PARVG: variants seen among roughly 807,000 people sequenced by gnomAD.
PARVG encodes the protein gamma-parvin.
In PARVG, 36 loss-of-function variants were observed where a neutral mutation model predicts 44.4. The observed-to-expected ratio is 0.81, with a 90% CI of 0.62 to 1.07. The LOEUF is 1.07. PARVG is among the 50% of genes least tolerant of loss of function. PARVG has a pLI of 0.00. For synonymous variants in PARVG, 170 were observed against 174.1 expected (o/e 0.98, Z 0.19); for missense variants, 407 against 407.4 (o/e 1.00, Z 0.01).
Position 44,200,287 on chromosome 22 carries a change from G to A in PARVG, c.813+1565G>A, listed in dbSNP as rs148621111. The stretch of plus-strand genomic sequence containing the variant: ...TCCACGGGCAGCCAAGGCTTACCCC[G>A]GGTCACTGCCAGGCAAGAGGCCTGA... On this transcript the variant is annotated intron_variant, in intron 12 of 13. Transcript: ENST00000444313. Among the ~76,000 whole-genome samples the A allele has an allele frequency of 4.6e-5, 7 of 152,200 alleles. No homozygotes were observed. In the East Asian group the frequency reaches 9.7e-4, roughly 21 times the overall value.
chr22:44,183,095 G>C (rs1040788930), intron 2 of PARVG: 1 of 519,126 alleles, frequency 1.9e-6, no homozygotes. Context: ...GGCTGTGCCC[G>C]CCCTCAGCTT....
Position 44,207,484 on chromosome 22 carries a change from GAGT to G in PARVG, c.*1059_*1061del. 2 of 150,912 alleles carry G rather than the reference GAGT, an allele frequency of 1.3e-5. No individual in the cohort carries two copies. Among genetic ancestry groups the G allele is most frequent in the African/African-American group, 4.9e-5 (2 of 40,606 alleles). 9.3% of individuals were successfully genotyped at this position (150,912 alleles called of 1,614,324 possible). ...GGGGAGGAGTGGGACTTGTGGGGAGGAGTGGGACTTGTGGGGAGGGGTGAGGCT... is the reference window on the plus strand; with the variant it reads ...GGGGAGGAGTGGGACTTGTGGGGAGGGGGACTTGTGGGGAGGGGTGAGGCT... On this transcript the variant is annotated 3_prime_UTR_variant, in exon 14 of 14. Transcript: ENST00000444313.
In PARVG at chr22:44,207,891, A is replaced by G. The variant is rs137938963; in HGVS notation, c.*1465A>G. On this transcript the variant is annotated 3_prime_UTR_variant, in exon 14 of 14. Coordinates refer to ENST00000444313, the MANE Select transcript of PARVG (RefSeq NM_022141.7). ...GATGCACCCCTCTTCATGGATACCC[A>G]CCCTACTTCCCGGCTGCCTCTGGGA... 964 of 152,152 alleles carry G rather than the reference A, an allele frequency of 6.3e-3. 6 individuals carry two copies. The highest frequency in any genetic ancestry group is 8.5e-3 in the Non-Finnish European group (580 of 68,092). The allele number at this position is 152,152 out of a possible 1,614,324, so 9.4% of individuals were successfully genotyped here. A position where few individuals can be genotyped will look rare whatever the true frequency, so the allele number is the denominator to read the frequency against.
intron 9 of PARVG, among the ~76,000 whole-genome samples, chr22:44,195,704 T>C (rs1382951060): frequency 6.6e-6 from 1 of 152,166 alleles, no homozygotes; most frequent in Non-Finnish European, 1.5e-5. Flanking sequence ...AGGAGACTCA[T>C]GGACCCTGAT....
At chr22:44,205,731 C>T (rs377596150) in intron 12 of PARVG, 26 bp from the exon 13 acceptor site, 6 of 1,612,912 alleles carry the variant, frequency 3.7e-6, no homozygotes, top group Admixed American at 1.7e-5. Context: ...CTTGTGCCCA[C>T]ATCTGATAGG....
chr22:44,191,078 A>T lies in PARVG; in HGVS notation c.504+412A>T, dbSNP rs1029042548. Reference sequence around the variant, plus strand: ...TGAGGGTACTGTCTCCTGTGAGATTACCGATGGCTGTGACAGTGCCCTGTT... The same window carrying T: ...TGAGGGTACTGTCTCCTGTGAGATTTCCGATGGCTGTGACAGTGCCCTGTT... On this transcript the variant is annotated intron_variant, in intron 7 of 13. Transcript: ENST00000444313. 5.9e-5 allele frequency among the ~76,000 whole-genome samples: 9 copies of T among 152,200 alleles called. 1 individual carries two copies. The highest frequency in any genetic ancestry group is 1.9e-4 in the African/African-American group (8 of 41,438).
At position 44,181,008 on chromosome 22, in the gene PARVG, G is replaced by A; in HGVS notation, c.-366G>A. The A allele has an allele frequency of 1.0e-6, 1 of 983,818 alleles. No homozygotes were observed. The highest frequency in any genetic ancestry group is 1.2e-6 in the Non-Finnish European group (1 of 828,582). 60.9% of individuals were successfully genotyped at this position (983,818 alleles called of 1,614,324 possible). On this transcript the variant is annotated 5_prime_UTR_variant, in exon 1 of 14. Coordinates refer to ENST00000444313, the MANE Select transcript of PARVG (RefSeq NM_022141.7). ...CCTTCTCGAACCCTGCTATGCCTTT[G>A]CATACGCTGTTTTCTCCACCTGCCA...
chr22:44,198,910 C>T (rs1233440812), intron 12 of PARVG, among the ~76,000 whole-genome samples, 188 bp downstream of exon 12: 1 of 109,358 alleles, frequency 9.1e-6, no homozygotes, highest in African/African-American at 3.1e-5. Flanking sequence ...ATCCATCTAC[C>T]CATCCATCCA....
intron 1 of PARVG, chr22:44,173,241 T>G: frequency 8.4e-7 from 1 of 1,189,546 alleles, no homozygotes; most frequent in African/African-American, 1.6e-5. Flanking sequence ...AGACCATACG[T>G]GCACAAAGCT....
At chr22:44,186,006 C>T in intron 4 of PARVG, 134 bp downstream of exon 4, 1 of 623,962 alleles carries the variant, frequency 1.6e-6, no homozygotes, top group South Asian at 1.8e-5. Context: ...CCCGAAGACC[C>T]CTGGAAGGCC....
upstream of PARVG, among the ~76,000 whole-genome samples, chr22:44,180,427 A>G (rs2054359853): frequency 6.6e-6 from 1 of 152,132 alleles, no homozygotes; most frequent in Middle Eastern, 3.2e-3. Context: ...TGCTACATCT[A>G]TGTGGCTGTG....
chr22:44,189,066 C>G (rs779631122), intron 5 of PARVG, 48 bp from the exon 6 acceptor site: 12 of 1,611,784 alleles, frequency 7.4e-6, no homozygotes, highest in Admixed American at 1.7e-5. Flanking sequence ...GAGGTGCTCT[C>G]TGGTCTGTCC....
chr22:44,191,992 C>A (rs1319514139), intron 7 of PARVG, 57 bp from the exon 8 acceptor site: 9 of 1,581,908 alleles, frequency 5.7e-6, no homozygotes, highest in Admixed American at 5.0e-5. Flanking sequence ...ACTGGGGCTT[C>A]TTTGGGCCCC....
At chr22:44,183,215 G>C in intron 2 of PARVG, 103 bp from the exon 3 acceptor site, 1 of 1,090,560 alleles carries the variant, frequency 9.2e-7, no homozygotes, top group Non-Finnish European at 1.3e-6. Context: ...CCAGAACCTG[G>C]CTTCTACCCT....
At chr22:44,185,538 C>T in intron 3 of PARVG, 1 of 345,620 alleles carries the variant, frequency 2.9e-6, no homozygotes, top group Admixed American at 3.9e-5. Flanking sequence ...GTAGGGTTGC[C>T]AGATATATCA....
chr22:44,196,755 G>A (rs1404575393), intron 11 of PARVG, among the ~76,000 whole-genome samples: 2 of 152,180 alleles, frequency 1.3e-5, no homozygotes, highest in Non-Finnish European at 2.9e-5. Context: ...GGTTGTGTTC[G>A]CCCAAACAGA....
intron 9 of PARVG, among the ~76,000 whole-genome samples, chr22:44,194,647 CACCTATCCATCCATCA>C (rs2054593471): frequency 4.6e-5 from 7 of 151,588 alleles, no homozygotes; most frequent in African/African-American, 2.4e-5. Flanking sequence ...TCCATCCATC[CACCTATCCATCCATCA>C]ACCTATCCAT....
intron 1 of PARVG, among the ~76,000 whole-genome samples, chr22:44,173,843 G>C (rs9614360): frequency 1.3e-5 from 2 of 152,122 alleles, no homozygotes; most frequent in Admixed American, 6.5e-5. Context: ...CACAGTGCAC[G>C]GGACAGGCTC....
At chr22:44,199,331 T>C (rs73888897) in intron 12 of PARVG, among the ~76,000 whole-genome samples, 3,561 of 152,170 alleles carry the variant, frequency 0.023, 170 homozygotes, top group African/African-American at 0.081. Context: ...CTGCTTGTCC[T>C]GTCATGCATC....
Sources: gnomAD v4.1 joint callset for allele counts (sites outside exome capture counted in the v4.1 genomes callset) on GRCh38, gnomAD v4.1.1 for gene constraint, MANE v1.5 for transcripts, NCBI Gene and HGNC (gene_info 2026-07-23, HGNC 2026-07-21) for gene names.